The following USP34 variants were observed in gnomAD, a reference collection of about 807,000 sequenced individuals.
USP34 encodes ubiquitin specific peptidase 34.
Under a neutral mutation model 460.3 loss-of-function variants are expected in USP34, and 70 were observed. The observed-to-expected ratio is 0.15, with a 90% CI of 0.13 to 0.19. The LOEUF (loss-of-function observed/expected upper bound fraction) is 0.19. USP34 is among the 10% of genes least tolerant of loss of function. The probability of loss-of-function intolerance (pLI) is 1.00; values close to 1 mark genes in which losing one functional copy is unlikely to be tolerated. For synonymous variants in USP34, 1,647 were observed against 1,405.3 expected (o/e 1.17, Z -3.85); for missense variants, 3,985 against 4,236.2 (o/e 0.94, Z 1.65).
chr2:61,405,597 CAAT>C (rs1693847768), intron 3 of USP34, 108 bp downstream of exon 3: 2 of 1,037,384 alleles, frequency 1.9e-6, no homozygotes, highest in Non-Finnish European at 2.7e-6. Context: ...ATTCTGGTGA[CAAT>C]AATGATTTTC....
At position 61,246,312 on chromosome 2, in the gene USP34, T is replaced by C. The variant is rs149248646; in HGVS notation, c.6548+12A>G. The C allele has an allele frequency of 1.8e-5, 28 of 1,529,102 alleles. No individual in the cohort carries two copies. In the African/African-American group the frequency reaches 2.1e-4, roughly 11 times the overall value. 94.7% of individuals were successfully genotyped at this position (1,529,102 alleles called of 1,614,324 possible). A position where few individuals can be genotyped will look rare whatever the true frequency, so the allele number is the denominator to read the frequency against. ...AAATTGTTAAAGAAGTTTTGAAATA[T>C]TTAAAACTCACCATTTATTGTTTTT... On this transcript the variant is annotated intron_variant, in intron 50 of 79. Coordinates refer to ENST00000398571, the MANE Select transcript of USP34 (RefSeq NM_014709.4).
intron 1 of USP34, among the ~76,000 whole-genome samples, chr2:61,468,681 G>T (rs1695857535): frequency 6.6e-6 from 1 of 152,158 alleles, no homozygotes; most frequent in Admixed American, 6.6e-5. Flanking sequence ...GAAGCTGGTT[G>T]AACTAACTGT....
intron 10 of USP34, among the ~76,000 whole-genome samples, chr2:61,364,562 T>C (rs1203052022): frequency 6.6e-6 from 1 of 152,196 alleles, no homozygotes; most frequent in East Asian, 1.9e-4. Context: ...AAATGGTAAA[T>C]TTTATGTTAT....
At chr2:61,209,034 G>A in intron 69 of USP34, 57 bp from the exon 70 acceptor site, 1 of 1,074,684 alleles carries the variant, frequency 9.3e-7, no homozygotes, top group East Asian at 2.7e-5. Context: ...CAACACTTAG[G>A]TGATGAAAAA....
Position 61,188,338 on chromosome 2 carries a change from G to A in USP34, c.10405C>T (p.Pro3469Ser). 1.2e-6 allele frequency: 2 copies of A among 1,613,598 alleles called. No individual in the cohort carries two copies. The highest frequency in any genetic ancestry group is 1.7e-6 in the Non-Finnish European group (2 of 1,180,032). ...AGAACTGCAGAGATAGAAGTAGAAG[G>A]GAACTCAGATTCTTCCTCAGCTAGG... is the stretch of plus-strand genomic sequence containing the variant. ...STLAEEESEF[P>S]STSISAVLSD... The change falls in exon 80 of 80, where the codon CCT (proline) becomes TCT (serine). Residue 3469 changes from proline (P) to serine (S), a missense_variant. Transcript: ENST00000398571.
intron 1 of USP34, among the ~76,000 whole-genome samples, chr2:61,458,207 T>TC (rs1558606830): frequency 7.2e-5 from 11 of 152,238 alleles, no homozygotes; most frequent in African/African-American, 2.2e-4. Flanking sequence ...TACTTCAGAC[T>TC]TGGAGTTCAG....
intron 35 of USP34, 99 bp downstream of exon 35, chr2:61,284,776 C>A: frequency 1.1e-6 from 1 of 931,732 alleles, no homozygotes; most frequent in Non-Finnish European, 1.5e-6. Flanking sequence ...TAATATCCCC[C>A]AAATTTTTCT....
chr2:61,403,857 G>A (rs561088843), intron 3 of USP34, among the ~76,000 whole-genome samples: 1 of 152,008 alleles, frequency 6.6e-6, no homozygotes, highest in African/African-American at 2.4e-5. Flanking sequence ...GCCGGGCATG[G>A]TGGCGGGCAC....
intron 2 of USP34, among the ~76,000 whole-genome samples, chr2:61,412,874 G>A (rs1259196619): frequency 8.3e-6 from 1 of 119,800 alleles, no homozygotes; most frequent in Non-Finnish European, 1.6e-5. Flanking sequence ...TAGCAACACA[G>A]CAATCCCATC....
chr2:61,368,441 AAAG>A (rs1384251220), intron 10 of USP34, among the ~76,000 whole-genome samples: 1 of 152,154 alleles, frequency 6.6e-6, no homozygotes, highest in African/African-American at 2.4e-5. Flanking sequence ...CAAAAAAAAA[AAAG>A]AAGAATGGGC....
chr2:61,424,265 C>A (rs764391986), intron 1 of USP34, among the ~76,000 whole-genome samples: 20 of 152,182 alleles, frequency 1.3e-4, no homozygotes, highest in Non-Finnish European at 2.4e-4. Flanking sequence ...GTACTGAATA[C>A]TCTAGGCAAC....
At chr2:61,298,119 C>A (rs1344024748) in intron 29 of USP34, among the ~76,000 whole-genome samples, 1 of 151,992 alleles carries the variant, frequency 6.6e-6, no homozygotes, top group Non-Finnish European at 1.5e-5. Context: ...ATGAGACATA[C>A]ACAGTAAAGA....
At chr2:61,313,251 CAG>C (rs1269512161) in intron 25 of USP34, among the ~76,000 whole-genome samples, 2 of 150,724 alleles carry the variant, frequency 1.3e-5, no homozygotes, top group African/African-American at 2.4e-5. Flanking sequence ...TTTTTCACAA[CAG>C]AAAAAAATTT....
chr2:61,404,507 A>G lies in USP34; in HGVS notation c.552+1201T>C, dbSNP rs548954627. Among the ~76,000 whole-genome samples the G allele has an allele frequency of 8.9e-4, 135 of 152,352 alleles. 1 individual carries two copies. The highest frequency in any genetic ancestry group is 2.0e-3 in the Admixed American group (30 of 15,308). ...ACTGTGACATTTCAAAGGCTGTATCATAAGAAGTCTTACAGCTCCTACTTT... is the reference window on the plus strand; with the variant it reads ...ACTGTGACATTTCAAAGGCTGTATCGTAAGAAGTCTTACAGCTCCTACTTT... On this transcript the variant is annotated intron_variant, in intron 3 of 79. Transcript: ENST00000398571.
intron 1 of USP34, among the ~76,000 whole-genome samples, chr2:61,469,149 G>A (rs1168604432): frequency 2.6e-5 from 4 of 152,134 alleles, no homozygotes; most frequent in Admixed American, 1.3e-4. Flanking sequence ...AGAGTTTGCA[G>A]TGAGCCGAGA....
At chr2:61,442,926 C>CACACACAA (rs1553392405) in intron 1 of USP34, among the ~76,000 whole-genome samples, 46 of 151,864 alleles carry the variant, frequency 3.0e-4, no homozygotes, top group South Asian at 1.0e-3. Context: ...CACACACACA[C>CACACACAA]ACACACACAG....
In USP34 at chr2:61,374,159, GA is replaced by G. The variant is rs76561805; in HGVS notation, c.1077-3581del. ...CAATAGAGCGAGACTCCATCTCAGG[GA>G]AAAAAAAAAAAAAAAAAACAGAGAA... On this transcript the variant is annotated intron_variant, in intron 8 of 79. Transcript: ENST00000398571. 8.0e-3 allele frequency among the ~76,000 whole-genome samples: 937 copies of G among 117,706 alleles called. 19 individuals carry two copies. The highest frequency in any genetic ancestry group is 0.044 in the Admixed American group (511 of 11,686). 77.2% of individuals were successfully genotyped at this position (117,706 alleles called of 152,430 possible). A position where few individuals can be genotyped will look rare whatever the true frequency, so the allele number is the denominator to read the frequency against.
chr2:61,420,805 C>T lies in USP34; in HGVS notation c.72G>A (p.Leu24=). ...TGAGAGTATGTTCCTTTCTGAGCTG[C>T]AGTCCATCACCACCTTCTACATCTG... is the stretch of plus-strand genomic sequence containing the variant. ...EISDVEGGDG[L]QLRKEHTLKI... is the part of the protein sequence containing the mutation. The change falls in exon 2 of 80, where the codon CTG becomes CTA. Residue 24 remains leucine (L), a synonymous_variant. Coordinates refer to ENST00000398571, the MANE Select transcript of USP34 (RefSeq NM_014709.4). 1 of 1,610,776 alleles carries T rather than the reference C, an allele frequency of 6.2e-7. No individual in the cohort carries two copies. The highest frequency in any genetic ancestry group is 8.5e-7 in the Non-Finnish European group (1 of 1,178,284).
chr2:61,198,667 G>C (rs567115166), intron 75 of USP34, among the ~76,000 whole-genome samples: 1 of 151,734 alleles, frequency 6.6e-6, no homozygotes, highest in African/African-American at 2.4e-5. Context: ...TCAGGAGTTC[G>C]AGACCAGCCT....
Sources: allele counts gnomAD v4.1 joint callset (sites outside exome capture counted in the v4.1 genomes callset), GRCh38; gene constraint gnomAD v4.1.1; transcripts MANE v1.5; gene names NCBI Gene and HGNC (gene_info 2026-07-23, HGNC 2026-07-21).